Variants in SLC9A7 observed in about 807,000 individuals in gnomAD.
The protein encoded by SLC9A7 is sodium/hydrogen exchanger 7.
SLC9A7 carries 19 observed loss-of-function variants against 52.6 expected under a neutral mutation model. The ratio of observed to expected loss-of-function variants is 0.36; its 90% CI spans 0.25 to 0.53. The LOEUF is 0.53. Among genes scored for constraint, SLC9A7 ranks in the 20% least tolerant of loss-of-function variants. The pLI is 0.91. For missense variants in SLC9A7, 455 were observed against 597.9 expected, an observed-to-expected ratio of 0.76 and a Z score of 2.49; for synonymous variants, 226 against 252.1, an observed-to-expected ratio of 0.90 and a Z score of 0.98.
chrX:46,725,878 A>G (rs759106700), intron 1 of SLC9A7: 1 of 441,484 alleles, frequency 2.3e-6, no homozygotes, highest in East Asian at 4.2e-5. Flanking sequence ...CTTATTTCTT[A>G]TGAGGAAAAA....
intron 15 of SLC9A7, among the ~76,000 whole-genome samples, chrX:46,616,630 CT>C (rs1347239779): frequency 9.0e-6 from 1 of 111,463 alleles, no homozygotes; most frequent in Non-Finnish European, 1.9e-5. Flanking sequence ...ATTTTTCTTC[CT>C]TCTTACAGGG....
intron 7 of SLC9A7, among the ~76,000 whole-genome samples, chrX:46,657,105 T>C (rs2146798749): frequency 9.2e-6 from 1 of 109,035 alleles, no homozygotes; most frequent in South Asian, 4.0e-4. Context: ...ACCCAGAATT[T>C]CATATCCAGC....
chrX:46,718,612 C>T (rs1170203539), intron 1 of SLC9A7, among the ~76,000 whole-genome samples: 1 of 112,251 alleles, frequency 8.9e-6, no homozygotes, highest in African/African-American at 3.2e-5. Context: ...AAAAATCAAA[C>T]AACCCCATCA....
At chrX:46,719,936 A>T (rs1462977698) in intron 1 of SLC9A7, among the ~76,000 whole-genome samples, 1 of 111,790 alleles carries the variant, frequency 8.9e-6, no homozygotes, top group African/African-American at 3.3e-5. Flanking sequence ...TGATGTTTTG[A>T]CTTAAATTGT....
At chrX:46,716,985 A>G (rs1158006697) in intron 1 of SLC9A7, among the ~76,000 whole-genome samples, 1 of 111,997 alleles carries the variant, frequency 8.9e-6, no homozygotes, top group African/African-American at 3.2e-5. Flanking sequence ...ACCTGGTCTC[A>G]TGAGTTATGG....
intron 14 of SLC9A7, among the ~76,000 whole-genome samples, chrX:46,622,415 T>C (rs757156893): frequency 8.9e-6 from 1 of 111,960 alleles, no homozygotes; most frequent in East Asian, 2.8e-4. Context: ...TAGGCAAATA[T>C]ATAATGGAAA....
chrX:46,697,565 A>G (rs912875792), intron 1 of SLC9A7, among the ~76,000 whole-genome samples: 46 of 112,038 alleles, frequency 4.1e-4, no homozygotes, highest in Non-Finnish European at 8.1e-4. Flanking sequence ...CACTTCCCCA[A>G]TCAATACCCT....
intron 10 of SLC9A7, among the ~76,000 whole-genome samples, chrX:46,650,054 G>A (rs146848988): frequency 0.011 from 1,223 of 112,693 alleles, 13 homozygotes; most frequent in African/African-American, 0.037. Context: ...TGGTTTAAGC[G>A]TAGGAGGCTC....
chrX:46,613,968 C>T (rs536541144), intron 15 of SLC9A7, among the ~76,000 whole-genome samples: 2 of 111,971 alleles, frequency 1.8e-5, no homozygotes, highest in East Asian at 5.6e-4. Context: ...GACTGTAAGT[C>T]TCTCAACTTC....
At chrX:46,724,854 C>T (rs748403341) in intron 1 of SLC9A7, among the ~76,000 whole-genome samples, 2 of 111,657 alleles carry the variant, frequency 1.8e-5, no homozygotes, top group Non-Finnish European at 3.8e-5. Flanking sequence ...TTTAACATTC[C>T]ATTTCCTTAG....
At chrX:46,640,957 A>G (rs1159104923) in intron 12 of SLC9A7, among the ~76,000 whole-genome samples, 2 of 112,194 alleles carry the variant, frequency 1.8e-5, no homozygotes, top group Non-Finnish European at 3.8e-5. Flanking sequence ...TGGTACAGCC[A>G]CTCTGGAAAA....
intron 1 of SLC9A7, among the ~76,000 whole-genome samples, chrX:46,697,133 G>T (rs1944459815): frequency 8.9e-6 from 1 of 112,082 alleles, no homozygotes; most frequent in South Asian, 3.7e-4. Context: ...ATAAGAAGGT[G>T]ACTTTTATTA....
chrX:46,662,392 C>A lies in SLC9A7; in HGVS notation c.899+146G>T, dbSNP rs928697720. On this transcript the variant is annotated intron_variant, in intron 6 of 16. Transcript: ENST00000616978. ...GATTGCTGCTGGGCACACAAAGCAA[C>A]GTAATTTTATCCACAAAGCTGATAA... 1.1e-4 allele frequency: 55 copies of A among 514,784 alleles called. 1 individual carries two copies. Among genetic ancestry groups the A allele is most frequent in the South Asian group, 4.0e-4 (11 of 27,574 alleles). 42.4% of individuals were successfully genotyped at this position (514,784 alleles called of 1,213,427 possible). A position where few individuals can be genotyped will look rare whatever the true frequency, so the allele number is the denominator to read the frequency against.
chrX:46,657,334 C>G (rs1397208668), intron 7 of SLC9A7, among the ~76,000 whole-genome samples: 1 of 107,666 alleles, frequency 9.3e-6, no homozygotes, highest in Non-Finnish European at 1.9e-5. Flanking sequence ...AAATAACCAG[C>G]TAACATCATA....
chrX:46,599,483 TTG>T lies in SLC9A7; in HGVS notation c.*7467_*7468del, dbSNP rs1176408612. The T allele has an allele frequency of 8.9e-6, 1 of 112,334 alleles. No homozygotes were observed. The highest frequency in any genetic ancestry group is 1.9e-5 in the Non-Finnish European group (1 of 53,325). 9.3% of individuals were successfully genotyped at this position (112,334 alleles called of 1,213,427 possible). A position where few individuals can be genotyped will look rare whatever the true frequency, so the allele number is the denominator to read the frequency against. On this transcript the variant is annotated 3_prime_UTR_variant, in exon 17 of 17. Coordinates refer to ENST00000616978, the MANE Select transcript of SLC9A7 (RefSeq NM_001257291.2). ...AAACAAAATTAGCTCAGCCAGTTAGTTGTTTTATTTTGAGTTTTGTTTTTTTA... is the reference window on the plus strand; with the variant it reads ...AAACAAAATTAGCTCAGCCAGTTAGTTTTTATTTTGAGTTTTGTTTTTTTA...
At chrX:46,757,922 C>T (rs1922798787) in intron 1 of SLC9A7, among the ~76,000 whole-genome samples, 1 of 111,663 alleles carries the variant, frequency 9.0e-6, no homozygotes, top group Non-Finnish European at 1.9e-5. Flanking sequence ...TGGCTGACTC[C>T]GGAATTAAAA....
chrX:46,630,206 T>C (rs1311266403), intron 14 of SLC9A7, among the ~76,000 whole-genome samples: 2 of 111,714 alleles, frequency 1.8e-5, no homozygotes, highest in East Asian at 2.8e-4. Flanking sequence ...TGGCACCCCA[T>C]TGACCCCACA....
rs1011814179 is a variant in SLC9A7, at chrX:46,701,565, C to T, written c.326-19030G>A. Reference sequence around the variant, plus strand: ...TCACGCCACTGCATTCCAGCCTGGGCGACAGAGCGAGACTCTGTCTCAAAA... The same window carrying T: ...TCACGCCACTGCATTCCAGCCTGGGTGACAGAGCGAGACTCTGTCTCAAAA... On this transcript the variant is annotated intron_variant, in intron 1 of 16. Coordinates refer to ENST00000616978, the MANE Select transcript of SLC9A7 (RefSeq NM_001257291.2). Among the ~76,000 whole-genome samples, 9 of 111,238 alleles carry T rather than the reference C, an allele frequency of 8.1e-5. No individual in the cohort carries two copies. The South Asian group carries it at 1.9e-3, about 24-fold the overall frequency.
At chrX:46,754,176 C>G (rs782191428) in intron 1 of SLC9A7, among the ~76,000 whole-genome samples, 65 of 111,068 alleles carry the variant, frequency 5.9e-4, no homozygotes, top group South Asian at 2.2e-3. Context: ...TAAAGCCTGC[C>G]AAAGAATCAC....
Sources: allele counts gnomAD v4.1 joint callset (sites outside exome capture counted in the v4.1 genomes callset), GRCh38; gene constraint gnomAD v4.1.1; transcripts MANE v1.5; gene names NCBI Gene and HGNC (gene_info 2026-07-23, HGNC 2026-07-21).